The following PRICKLE2 variants were observed in gnomAD, a reference collection of about 807,000 sequenced individuals.
PRICKLE2 encodes prickle-like protein 2.
A neutral mutation model predicts 81.4 loss-of-function variants in PRICKLE2; 21 were observed. That is an observed-to-expected ratio of 0.26 (90% CI 0.18 to 0.37). The LOEUF (loss-of-function observed/expected upper bound fraction) is 0.37, where lower values mean the gene tolerates loss of function less well. Ranked by LOEUF, PRICKLE2 falls within the 10% of genes least tolerant of loss-of-function variation. The pLI is 1.00. For synonymous variants in PRICKLE2, 456 were observed against 421.5 expected, an observed-to-expected ratio of 1.08 and a Z score of -1.00; for missense variants, 940 against 1,109.0, an observed-to-expected ratio of 0.85 and a Z score of 2.16.
intron 2 of PRICKLE2, among the ~76,000 whole-genome samples, chr3:64,178,771 T>C (rs1401210206): frequency 6.6e-6 from 1 of 152,214 alleles, no homozygotes; most frequent in African/African-American, 2.4e-5. Flanking sequence ...TAGGTTCCTG[T>C]GAGCCTCTGG....
intron 7 of PRICKLE2, among the ~76,000 whole-genome samples, chr3:64,114,596 ATAG>A (rs2076904575): frequency 6.6e-6 from 1 of 152,270 alleles, no homozygotes; most frequent in South Asian, 2.1e-4. Flanking sequence ...TATTAATAGA[ATAG>A]AGTAACTGGA....
At chr3:64,157,792 A>G (rs1485314179) in intron 4 of PRICKLE2, among the ~76,000 whole-genome samples, 1 of 152,122 alleles carries the variant, frequency 6.6e-6, no homozygotes, top group Non-Finnish European at 1.5e-5. Context: ...CGGGGCTTGG[A>G]GGAGGTGGGA....
At chr3:64,214,050 G>A (rs540181302) in intron 1 of PRICKLE2, among the ~76,000 whole-genome samples, 81 of 152,256 alleles carry the variant, frequency 5.3e-4, no homozygotes, top group African/African-American at 1.6e-3. Flanking sequence ...ATATTAGGCC[G>A]CCTTTCATCC....
At chr3:64,199,949 T>C (rs761109529) in intron 1 of PRICKLE2, 1 of 152,240 alleles carries the variant, frequency 6.6e-6, no homozygotes, top group Admixed American at 6.5e-5. Context: ...AATCCCCAGA[T>C]GTGCCTGAAC....
intron 1 of PRICKLE2, among the ~76,000 whole-genome samples, chr3:64,214,064 G>C (rs2078834146): frequency 6.6e-6 from 1 of 152,132 alleles, no homozygotes; most frequent in Admixed American, 6.5e-5. Context: ...TTCATCCAGG[G>C]GAACTGGGCC....
At chr3:64,189,695 G>A (rs1398868636) in intron 2 of PRICKLE2, among the ~76,000 whole-genome samples, 1 of 152,234 alleles carries the variant, frequency 6.6e-6, no homozygotes, top group Non-Finnish European at 1.5e-5. Context: ...GCTAGCATGT[G>A]CCCAGCATTA....
intron 7 of PRICKLE2, among the ~76,000 whole-genome samples, chr3:64,144,972 C>G (rs2077422323): frequency 6.6e-6 from 1 of 152,054 alleles, no homozygotes; most frequent in Admixed American, 6.6e-5. Context: ...AGTTCTCAGC[C>G]AGTGTTATCC....
intron 1 of PRICKLE2, among the ~76,000 whole-genome samples, chr3:64,211,945 T>C (rs1575672383): frequency 6.6e-6 from 1 of 151,738 alleles, no homozygotes; most frequent in African/African-American, 2.4e-5. Flanking sequence ...TTGACAGGAG[T>C]CTAGGATGGT....
intron 6 of PRICKLE2, among the ~76,000 whole-genome samples, chr3:64,148,511 T>C (rs973923373): frequency 6.6e-6 from 1 of 152,062 alleles, no homozygotes; most frequent in Non-Finnish European, 1.5e-5. Context: ...ATAGATCGAG[T>C]GAATCCCATT....
intron 2 of PRICKLE2, chr3:64,163,535 G>A (rs1024599412): frequency 5.3e-5 from 14 of 265,436 alleles, no homozygotes; most frequent in Admixed American, 1.9e-4. Flanking sequence ...CACCTGCCTC[G>A]GCAATGGAGT....
intron 7 of PRICKLE2, among the ~76,000 whole-genome samples, chr3:64,126,807 GC>G (rs2077114661): frequency 6.6e-6 from 1 of 152,006 alleles, no homozygotes; most frequent in Non-Finnish European, 1.5e-5. Flanking sequence ...CGAACTCCTG[GC>G]ATTGTGATCT....
Position 64,198,986 on chromosome 3 carries a change from G to A in PRICKLE2, c.-40-19C>T, listed in dbSNP as rs530211974. ...GATCTTCCTGCAGGCAGTAAAGGTA[G>A]AAGGTGAGAAAGAGGAAAAAACCTT... On this transcript the variant is annotated intron_variant, in intron 1 of 7. Coordinates refer to ENST00000638394, the MANE Select transcript of PRICKLE2 (RefSeq NM_198859.4). 6.2e-7 allele frequency: 1 copy of A among 1,612,168 alleles called. No individual in the cohort carries two copies. Among genetic ancestry groups the A allele is most frequent in the Non-Finnish European group, 8.5e-7 (1 of 1,179,582 alleles).
intron 2 of PRICKLE2, among the ~76,000 whole-genome samples, chr3:64,233,480 G>A (rs983063570): frequency 6.6e-6 from 1 of 152,158 alleles, no homozygotes; most frequent in Non-Finnish European, 1.5e-5. Context: ...AACATGCCAG[G>A]CACATGTGTG....
intron 1 of PRICKLE2, among the ~76,000 whole-genome samples, chr3:64,220,851 C>G (rs11924614): frequency 6.6e-6 from 1 of 151,884 alleles, no homozygotes; most frequent in Non-Finnish European, 1.5e-5. Context: ...GCCAAACATG[C>G]GCTAAAGTTT....
chr3:64,188,092 C>T (rs1389161632), intron 2 of PRICKLE2, among the ~76,000 whole-genome samples: 1 of 152,296 alleles, frequency 6.6e-6, no homozygotes, highest in Non-Finnish European at 1.5e-5. Context: ...ACCCTTCATC[C>T]GTATCTGCAC....
upstream of PRICKLE2, among the ~76,000 whole-genome samples, chr3:64,226,098 C>A (rs541193267): frequency 6.6e-6 from 1 of 152,204 alleles, no homozygotes; most frequent in South Asian, 2.1e-4. Context: ...AAGCATAAAC[C>A]TTCCCAGGGC....
chr3:64,150,060 G>C (rs910632140), intron 6 of PRICKLE2, among the ~76,000 whole-genome samples: 1 of 150,816 alleles, frequency 6.6e-6, no homozygotes, highest in African/African-American at 2.4e-5. Flanking sequence ...CAGCTGGGGC[G>C]GGGCTAGAAA....
intron 7 of PRICKLE2, among the ~76,000 whole-genome samples, chr3:64,127,047 C>T (rs1425026342): frequency 6.6e-6 from 1 of 152,190 alleles, no homozygotes; most frequent in Non-Finnish European, 1.5e-5. Context: ...AAAATAAAAT[C>T]AGATAAAGTT....
intron 1 of PRICKLE2, among the ~76,000 whole-genome samples, chr3:64,208,041 A>G (rs2078721031): frequency 6.6e-6 from 1 of 152,204 alleles, no homozygotes; most frequent in African/African-American, 2.4e-5. Flanking sequence ...ACACCAGCCT[A>G]AAATGAACCA....
Sources: allele counts gnomAD v4.1 joint callset (sites outside exome capture counted in the v4.1 genomes callset), GRCh38; gene constraint gnomAD v4.1.1; transcripts MANE v1.5; gene names NCBI Gene and HGNC (gene_info 2026-07-23, HGNC 2026-07-21).